Variants in HPSE2 observed in about 807,000 individuals in gnomAD.
HPSE2 encodes the protein inactive heparanase-2.
HPSE2 carries 38 observed loss-of-function variants against 60.5 expected under a neutral mutation model. The observed-to-expected ratio is 0.63, with a 90% CI of 0.48 to 0.82. HPSE2 has a LOEUF of 0.82. HPSE2 is among the 40% of genes least tolerant of loss of function. The pLI is 0.00. For missense variants in HPSE2, 713 were observed against 740.4 expected (o/e 0.96, Z 0.43); for synonymous variants, 295 against 293.2 (o/e 1.01, Z -0.06).
intron 3 of HPSE2, among the ~76,000 whole-genome samples, chr10:98,911,761 A>T (rs1953985625): frequency 6.6e-6 from 1 of 152,150 alleles, no homozygotes; most frequent in Non-Finnish European, 1.5e-5. Context: ...GCAAAAAAGG[A>T]TCACTGGAAA....
intron 4 of HPSE2, among the ~76,000 whole-genome samples, chr10:98,725,154 G>C (rs2134263292): frequency 6.6e-6 from 1 of 152,102 alleles, no homozygotes; most frequent in East Asian, 1.9e-4. Context: ...AGTTCATATG[G>C]AACCAAAAAA....
rs1191415379 is a variant in HPSE2 at position 99,119,096 on chromosome 10, AGAGG to A, written c.610+25138_610+25141del. Among the ~76,000 whole-genome samples, 397 of 117,910 alleles carry A rather than the reference AGAGG, an allele frequency of 3.4e-3. 2 individuals carry two copies. The highest frequency in any genetic ancestry group is 0.032 in the Middle Eastern group (7 of 218). The allele number at this position is 117,910 out of a possible 152,430, so 77.4% of individuals were successfully genotyped here. ...GAAAGAAAGAGAAAGAAAGAGAGAG[AGAGG>A]GAGGGAGGGAGGGAGGGAGGGAAGG... On this transcript the variant is annotated intron_variant, in intron 3 of 11. Coordinates refer to ENST00000370552, the MANE Select transcript of HPSE2 (RefSeq NM_021828.5).
At chr10:98,967,355 C>T (rs1332300335) in intron 3 of HPSE2, among the ~76,000 whole-genome samples, 1 of 152,188 alleles carries the variant, frequency 6.6e-6, no homozygotes, top group Non-Finnish European at 1.5e-5. Flanking sequence ...CACACTTAAT[C>T]CAGTGGAAGT....
chr10:98,691,449 T>G (rs560719088), intron 6 of HPSE2, among the ~76,000 whole-genome samples: 13 of 152,358 alleles, frequency 8.5e-5, no homozygotes, highest in Admixed American at 7.2e-4. Context: ...TTCATTCCAT[T>G]TGTGCCAGGA....
intron 3 of HPSE2, among the ~76,000 whole-genome samples, chr10:98,934,165 C>G (rs192221386): frequency 6.9e-6 from 1 of 144,134 alleles, no homozygotes; most frequent in Non-Finnish European, 1.5e-5. Context: ...AGTCTATGTG[C>G]GTCTTTGCAC....
chr10:99,245,634 C>T, the HPSE2 span, among the ~76,000 whole-genome samples: 1 of 152,108 alleles, frequency 6.6e-6, no homozygotes, highest in African/African-American at 2.4e-5. Context: ...CTGAATAACG[C>T]TAATTGTGAA....
At chr10:98,641,236 T>C (rs1177073718) in intron 7 of HPSE2, among the ~76,000 whole-genome samples, 2 of 152,138 alleles carry the variant, frequency 1.3e-5, no homozygotes, top group Non-Finnish European at 2.9e-5. Flanking sequence ...GTAAATCTAT[T>C]CTTCCCTTAT....
intron 3 of HPSE2, among the ~76,000 whole-genome samples, chr10:98,831,123 G>C (rs1303038295): frequency 6.6e-6 from 1 of 152,164 alleles, no homozygotes; most frequent in African/African-American, 2.4e-5. Flanking sequence ...TGGTACAAGA[G>C]AGCAGGAAGA....
chr10:99,309,600 T>C, the HPSE2 span, among the ~76,000 whole-genome samples: 314 of 152,374 alleles, frequency 2.1e-3, 2 homozygotes, highest in Admixed American at 4.2e-3. Context: ...AATGAAGTTT[T>C]ATTGAACACA....
At chr10:98,968,746 T>TA (rs1461635102) in intron 3 of HPSE2, among the ~76,000 whole-genome samples, 2 of 151,948 alleles carry the variant, frequency 1.3e-5, no homozygotes, top group Non-Finnish European at 2.9e-5. Flanking sequence ...AACTTAGAAA[T>TA]AAAAAACCAA....
At chr10:98,532,370 G>A (rs574132349) in intron 9 of HPSE2, among the ~76,000 whole-genome samples, 1 of 152,292 alleles carries the variant, frequency 6.6e-6, no homozygotes, top group East Asian at 1.9e-4. Context: ...GGAAACTCAT[G>A]GACCCTTGAA....
chr10:98,480,092 C>T (rs1287251852), intron 11 of HPSE2, among the ~76,000 whole-genome samples: 8 of 116,254 alleles, frequency 6.9e-5, no homozygotes, highest in African/African-American at 3.4e-4. Context: ...CCCTCTCCTA[C>T]ATTTTTTTTT....
intron 9 of HPSE2, among the ~76,000 whole-genome samples, chr10:98,600,160 A>G (rs560313743): frequency 3.1e-4 from 47 of 152,306 alleles, no homozygotes; most frequent in African/African-American, 1.1e-3. Flanking sequence ...TAGGAAAAGT[A>G]TATCAAGTCC....
chr10:99,100,930 A>G (rs1020746410), intron 3 of HPSE2, among the ~76,000 whole-genome samples: 1 of 152,182 alleles, frequency 6.6e-6, no homozygotes, highest in South Asian at 2.1e-4. Flanking sequence ...TACTTTACAC[A>G]CAAGCAAAGG....
At chr10:98,990,795 A>T (rs945344779) in intron 3 of HPSE2, among the ~76,000 whole-genome samples, 1 of 152,294 alleles carries the variant, frequency 6.6e-6, no homozygotes, top group Admixed American at 6.5e-5. Flanking sequence ...GATGTGCCTA[A>T]TAGAGTCTAT....
At chr10:99,088,275 G>A (rs1208841836) in intron 3 of HPSE2, among the ~76,000 whole-genome samples, 1 of 151,986 alleles carries the variant, frequency 6.6e-6, no homozygotes, top group Admixed American at 6.6e-5. Flanking sequence ...AAGTTCTTTA[G>A]TGGTGATTTC....
rs1948584731 is a variant in HPSE2 at position 98,707,808 on chromosome 10, C to T, written c.956+13849G>A. Reference sequence around the variant, plus strand: ...ATGAAATTCGAATAAAAAGTCCCAGCAGATATTTTTCAAGCTTTACAAAAC... The same window carrying T: ...ATGAAATTCGAATAAAAAGTCCCAGTAGATATTTTTCAAGCTTTACAAAAC... On this transcript the variant is annotated intron_variant, in intron 5 of 11. Transcript: ENST00000370552. Among the ~76,000 whole-genome samples, 5 of 152,044 alleles carry T rather than the reference C, an allele frequency of 3.3e-5. No homozygotes were observed. In the South Asian group the frequency reaches 1.0e-3, roughly 32 times the overall value.
chr10:98,689,938 A>G (rs1318336971), intron 6 of HPSE2, among the ~76,000 whole-genome samples: 1 of 152,290 alleles, frequency 6.6e-6, no homozygotes, highest in African/African-American at 2.4e-5. Context: ...GTGACATTCA[A>G]ATTCCAACCT....
the HPSE2 span, among the ~76,000 whole-genome samples, chr10:99,244,568 A>ATTTTT: frequency 8.1e-5 from 6 of 73,732 alleles, no homozygotes; most frequent in Admixed American, 2.1e-4. Context: ...CTATGCCTGG[A>ATTTTT]TTTTTTTTTT....
Sources: gnomAD v4.1 joint callset for allele counts (sites outside exome capture counted in the v4.1 genomes callset) on GRCh38, gnomAD v4.1.1 for gene constraint, MANE v1.5 for transcripts, NCBI Gene and HGNC (gene_info 2026-07-23, HGNC 2026-07-21) for gene names.